SULF1: variants seen among roughly 807,000 people sequenced by gnomAD.
SULF1 encodes extracellular sulfatase Sulf-1.
In SULF1, 46 loss-of-function variants were observed where a neutral mutation model predicts 110.5. That is an observed-to-expected ratio of 0.42 (90% CI 0.33 to 0.53). The LOEUF (loss-of-function observed/expected upper bound fraction) is 0.53. SULF1 is among the 20% of genes least tolerant of loss of function. The pLI is 0.12. For synonymous variants in SULF1, 371 were observed against 387.1 expected, an observed-to-expected ratio of 0.96 and a Z score of 0.49; for missense variants, 941 against 1,094.2, an observed-to-expected ratio of 0.86 and a Z score of 1.98.
At chr8:69,502,944 C>T (rs1408058680) in intron 3 of SULF1, among the ~76,000 whole-genome samples, 1 of 152,012 alleles carries the variant, frequency 6.6e-6, no homozygotes, top group Non-Finnish European at 1.5e-5. Flanking sequence ...ACCTCAGCCT[C>T]CTAAATGGCC....
At chr8:69,534,535 T>C (rs917687223) in intron 3 of SULF1, among the ~76,000 whole-genome samples, 2 of 152,214 alleles carry the variant, frequency 1.3e-5, no homozygotes, top group Admixed American at 6.5e-5. Context: ...TAAGAACAAG[T>C]ATTCCTTCCA....
chr8:69,605,085 C>T (rs1285160732), intron 13 of SULF1, among the ~76,000 whole-genome samples, 153 bp downstream of exon 13: 1 of 152,208 alleles, frequency 6.6e-6, no homozygotes, highest in Non-Finnish European at 1.5e-5. Context: ...TCTCCGCGGA[C>T]AGAATTACGT....
intron 22 of SULF1, among the ~76,000 whole-genome samples, chr8:69,655,045 G>T (rs943252172): frequency 6.6e-6 from 1 of 152,132 alleles, no homozygotes; most frequent in African/African-American, 2.4e-5. Context: ...TTGCATTTAA[G>T]TAGATGCAAT....
At chr8:69,598,536 C>T (rs540873832) in intron 8 of SULF1, among the ~76,000 whole-genome samples, 329 of 152,202 alleles carry the variant, frequency 2.2e-3, no homozygotes, top group Non-Finnish European at 3.5e-3. Flanking sequence ...GGATTACAGG[C>T]GCCCGCCACC....
At chr8:69,538,448 C>G (rs114226570) in intron 3 of SULF1, among the ~76,000 whole-genome samples, 1 of 151,974 alleles carries the variant, frequency 6.6e-6, no homozygotes, top group African/African-American at 2.4e-5. Context: ...GCACTAAGGC[C>G]GGGCCCCTTT....
chr8:69,569,981 A>T (rs1805110685), intron 5 of SULF1, among the ~76,000 whole-genome samples: 1 of 152,160 alleles, frequency 6.6e-6, no homozygotes, highest in Admixed American at 6.5e-5. Context: ...AATATTCAAT[A>T]GATCATACAG....
Position 69,603,320 on chromosome 8 carries a change from G to A in SULF1, c.1190G>A (p.Arg397Lys). ...CTGGACCCAGAAAAGCCAGGTAACAGGTGTGTCATTGTTCCTCCTCTCAGC... is the reference window on the plus strand; with the variant it reads ...CTGGACCCAGAAAAGCCAGGTAACAAGTGTGTCATTGTTCCTCCTCTCAGC... ...KLLDPEKPGNRFRTNKKAKIW... is the reference protein window; with the variant it reads ...KLLDPEKPGNKFRTNKKAKIW... The change falls in exon 11 of 23, where the codon AGG (arginine) becomes AAG (lysine). Residue 397 changes from arginine to lysine, a missense_variant and splice_region_variant. Arg to Lys is a conservative substitution (Grantham distance 26, BLOSUM62 2). Around this residue, in one of 3 missense-constraint regions of SULF1, gnomAD observed 822 missense variants for 934.3 expected, o/e 0.88. Coordinates refer to ENST00000402687, the MANE Select transcript of SULF1 (RefSeq NM_001128205.2). The A allele has an allele frequency of 6.2e-7, 1 of 1,614,072 alleles. No homozygotes were observed. Among genetic ancestry groups the A allele is most frequent in the Non-Finnish European group, 8.5e-7 (1 of 1,180,034 alleles).
At chr8:69,613,352 G>GTTTTT (rs534939520) in intron 13 of SULF1, among the ~76,000 whole-genome samples, 7 of 136,760 alleles carry the variant, frequency 5.1e-5, no homozygotes, top group African/African-American at 8.1e-5. Flanking sequence ...CAATTTTTGG[G>GTTTTT]TTTTTTTTTT....
intron 3 of SULF1, among the ~76,000 whole-genome samples, chr8:69,539,418 G>A (rs188723270): frequency 6.6e-6 from 1 of 152,264 alleles, no homozygotes; most frequent in Admixed American, 6.5e-5. Context: ...ATACTATGAT[G>A]TGCAAATATG....
At chr8:69,567,607 C>G (rs922784962) in intron 5 of SULF1, among the ~76,000 whole-genome samples, 1 of 152,098 alleles carries the variant, frequency 6.6e-6, no homozygotes, top group Admixed American at 6.5e-5. Context: ...TTATGACTGG[C>G]TTATTTTACT....
At chr8:69,627,089 A>G in intron 15 of SULF1, 121 bp from the exon 16 acceptor site, 1 of 720,164 alleles carries the variant, frequency 1.4e-6, no homozygotes, top group South Asian at 1.7e-5. Context: ...GGATCAGCTC[A>G]ACGGTTACTG....
At chr8:69,558,370 A>G (rs912935416) in intron 3 of SULF1, among the ~76,000 whole-genome samples, 1 of 152,182 alleles carries the variant, frequency 6.6e-6, no homozygotes, top group Non-Finnish European at 1.5e-5. Flanking sequence ...TCAACTGCTT[A>G]TGGTGTCCCT....
chr8:69,635,163 A>G (rs937863340), intron 19 of SULF1, among the ~76,000 whole-genome samples: 2 of 152,254 alleles, frequency 1.3e-5, no homozygotes, highest in Non-Finnish European at 2.9e-5. Flanking sequence ...AGAGGGTTGA[A>G]TAGGCAGAAC....
rs1399246788 is a variant in SULF1 at position 69,627,297 on chromosome 8, T to G, written c.1938T>G (p.Ile646Met). 6.2e-7 allele frequency: 1 copy of G among 1,613,390 alleles called. No individual in the cohort carries two copies. Among genetic ancestry groups the G allele is most frequent in the Non-Finnish European group, 8.5e-7 (1 of 1,179,316 alleles). Residue 646 changes from isoleucine to methionine, a missense_variant, in exon 16 of 23, where the codon ATT becomes ATG. Physicochemically the swap from Ile to Met is conservative, Grantham distance 10. Transcript: ENST00000402687. The stretch of plus-strand genomic sequence containing the variant: ...CGTGGAAGGACCATAAGGCATACAT[T>G]GACAAAGAGGTTAGCCATGGCTATG... ...ARAWKDHKAY[I>M]DKEIEALQDK...
At chr8:69,609,967 C>T (rs996184534) in intron 13 of SULF1, among the ~76,000 whole-genome samples, 5 of 152,132 alleles carry the variant, frequency 3.3e-5, no homozygotes, top group Non-Finnish European at 5.9e-5. Flanking sequence ...TAGGTATTGA[C>T]GTCTTAAATA....
At chr8:69,640,754 G>A in intron 21 of SULF1, 54 bp from the exon 22 acceptor site, 1 of 1,482,708 alleles carries the variant, frequency 6.7e-7, no homozygotes, top group Non-Finnish European at 9.3e-7. Flanking sequence ...TATAGTGAAT[G>A]GTTTTATAAG....
rs200676022 is a variant in SULF1, at chr8:69,627,734, G to C, written c.1948-38G>C. 1.1e-3 allele frequency: 1,544 copies of C among 1,368,986 alleles called. 36 individuals carry two copies. In the South Asian group the frequency reaches 0.018, roughly 16 times the overall value. 84.8% of individuals were successfully genotyped at this position (1,368,986 alleles called of 1,614,324 possible). A position where few individuals can be genotyped will look rare whatever the true frequency, so the allele number is the denominator to read the frequency against. On this transcript the variant is annotated intron_variant, in intron 16 of 22. Coordinates refer to ENST00000402687, the MANE Select transcript of SULF1 (RefSeq NM_001128205.2). ...AAAAGTACTTTGTAAAGAAAATCCT[G>C]ATCTTAATACGTAAGTGCTTGAAAA...
At chr8:69,513,494 T>C (rs1811715579) in intron 3 of SULF1, among the ~76,000 whole-genome samples, 1 of 152,234 alleles carries the variant, frequency 6.6e-6, no homozygotes, top group African/African-American at 2.4e-5. Flanking sequence ...AAAAGTAGCA[T>C]GTTACAAAGT....
intron 3 of SULF1, among the ~76,000 whole-genome samples, chr8:69,541,781 T>C (rs1055556508): frequency 6.6e-6 from 1 of 152,166 alleles, no homozygotes; most frequent in Non-Finnish European, 1.5e-5. Flanking sequence ...GTATGACATA[T>C]GGGTAAATAA....
Sources: gnomAD v4.1 joint callset for allele counts (sites outside exome capture counted in the v4.1 genomes callset) on GRCh38, gnomAD v4.1.1 for gene constraint, gnomAD v4.1.1 regional missense constraint, MANE v1.5 for transcripts, NCBI Gene and HGNC (gene_info 2026-07-23, HGNC 2026-07-21) for gene names.